DOK5: variants seen among roughly 807,000 people sequenced by gnomAD.
DOK5 encodes the protein downstream of tyrosine kinase 5.
In DOK5, 27 loss-of-function variants were observed where a neutral mutation model predicts 43.3. The observed-to-expected ratio is 0.62, with a 90% CI of 0.46 to 0.86. DOK5 has a LOEUF of 0.86. Among genes scored for constraint, DOK5 ranks in the 40% least tolerant of loss-of-function variants. The probability of loss-of-function intolerance (pLI) is 0.00; values close to 1 mark genes in which losing one functional copy is unlikely to be tolerated. For synonymous variants in DOK5, 146 were observed against 140.1 expected (o/e 1.04, Z -0.30); for missense variants, 373 against 392.9 (o/e 0.95, Z 0.43).
chr20:54,505,776 C>A (rs575132376), intron 1 of DOK5, among the ~76,000 whole-genome samples: 1 of 152,130 alleles, frequency 6.6e-6, no homozygotes. Context: ...GGGTTCCAGG[C>A]AGAAGGAACA....
At chr20:54,601,664 T>A (rs1223040802) in intron 5 of DOK5, among the ~76,000 whole-genome samples, 1 of 152,184 alleles carries the variant, frequency 6.6e-6, no homozygotes, top group African/African-American at 2.4e-5. Context: ...AGGAAACCTG[T>A]GCTAGTGATG....
Position 54,632,798 on chromosome 20 carries a change from C to T in DOK5, c.736-10660C>T, listed in dbSNP as rs984905310. On this transcript the variant is annotated intron_variant, in intron 6 of 7. Coordinates refer to ENST00000262593, the MANE Select transcript of DOK5 (RefSeq NM_018431.5). Reference sequence around the variant, plus strand: ...TTGTTACAAAATACAAATTCCTGGCCGGGAGCAGTGGCTCACACCTGGAAT... The same window carrying T: ...TTGTTACAAAATACAAATTCCTGGCTGGGAGCAGTGGCTCACACCTGGAAT... 3.9e-5 allele frequency among the ~76,000 whole-genome samples: 6 copies of T among 152,236 alleles called. No individual in the cohort carries two copies. In the South Asian group the frequency reaches 8.3e-4, roughly 21 times the overall value.
rs1555836770 is a variant in DOK5, at chr20:54,619,023, T to TTTTATA, written c.735+8501_735+8502insTTATAT. On this transcript the variant is annotated intron_variant, in intron 6 of 7. Transcript: ENST00000262593. ...CAGAACAAGACCTTGTTTCAATAAA[T>TTTTATA]TATATATATATATATATATATATAT... Among the ~76,000 whole-genome samples, 120 of 43,396 alleles carry TTTTATA rather than the reference T, an allele frequency of 2.8e-3. 14 individuals are homozygous for TTTTATA. The highest frequency in any genetic ancestry group is 0.014 in the Middle Eastern group (1 of 70). The allele number at this position is 43,396 out of a possible 152,430, so 28.5% of individuals were successfully genotyped here. A position where few individuals can be genotyped will look rare whatever the true frequency, so the allele number is the denominator to read the frequency against.
intron 1 of DOK5, among the ~76,000 whole-genome samples, chr20:54,500,323 CTG>C (rs1014607946): frequency 2.0e-5 from 3 of 152,044 alleles, no homozygotes; most frequent in Non-Finnish European, 4.4e-5. Context: ...AATTTGAACA[CTG>C]GACACGAAAA....
At chr20:54,644,997 CTTTTTTTTTTT>C (rs869031533) in intron 7 of DOK5, among the ~76,000 whole-genome samples, 2,059 of 82,310 alleles carry the variant, frequency 0.025, 36 homozygotes, top group Middle Eastern at 0.083. Context: ...TAAAAAAACT[CTTTTTTTTTTT>C]TTTTTTTTTT....
chr20:54,567,336 CATTTT>C (rs1477543110), intron 2 of DOK5, among the ~76,000 whole-genome samples: 1 of 151,984 alleles, frequency 6.6e-6, no homozygotes, highest in African/African-American at 2.4e-5. Flanking sequence ...AAATATGATT[CATTTT>C]GAGTTTAATT....
intron 1 of DOK5, among the ~76,000 whole-genome samples, chr20:54,493,252 T>C (rs923381548): frequency 4.6e-5 from 7 of 152,138 alleles, no homozygotes; most frequent in African/African-American, 1.7e-4. Context: ...CTCAGGACAC[T>C]GTGTGACCCA....
chr20:54,527,854 G>A (rs1301692146), intron 1 of DOK5, among the ~76,000 whole-genome samples: 1 of 152,194 alleles, frequency 6.6e-6, no homozygotes, highest in African/African-American at 2.4e-5. Flanking sequence ...TACAGGAAGA[G>A]TAAAGGAGAA....
chr20:54,524,903 T>C (rs1173862990), intron 1 of DOK5, among the ~76,000 whole-genome samples: 1 of 152,194 alleles, frequency 6.6e-6, no homozygotes, highest in Non-Finnish European at 1.5e-5. Flanking sequence ...TTTTTGTCAC[T>C]TTTTGCAGCT....
At chr20:54,506,217 A>G (rs911115575) in intron 1 of DOK5, among the ~76,000 whole-genome samples, 8 of 152,176 alleles carry the variant, frequency 5.3e-5, no homozygotes, top group Non-Finnish European at 1.0e-4. Context: ...GACTTGGTCA[A>G]CTGCAGGAAT....
chr20:54,548,931 A>G (rs1372754730), intron 1 of DOK5, among the ~76,000 whole-genome samples: 1 of 152,198 alleles, frequency 6.6e-6, no homozygotes, highest in South Asian at 2.1e-4. Flanking sequence ...GTGTGCTGGC[A>G]GTTGAAATTG....
chr20:54,517,889 G>C (rs1983255220), intron 1 of DOK5, among the ~76,000 whole-genome samples: 1 of 152,176 alleles, frequency 6.6e-6, no homozygotes, highest in African/African-American at 2.4e-5. Context: ...ACCAGATGCT[G>C]AACTTGCCAG....
intron 1 of DOK5, chr20:54,494,889 C>G (rs1280185907): frequency 6.6e-6 from 1 of 151,806 alleles, no homozygotes; most frequent in African/African-American, 2.4e-5. Flanking sequence ...TCTCCAGCAA[C>G]CTGATATGTA....
intron 5 of DOK5, among the ~76,000 whole-genome samples, chr20:54,603,422 A>G (rs6023406): frequency 0.45 from 67,937 of 152,104 alleles, 20,775 homozygotes; most frequent in African/African-American, 0.86. Context: ...ATAGTCAACC[A>G]CAGAATGTCC....
intron 2 of DOK5, among the ~76,000 whole-genome samples, chr20:54,577,823 C>G (rs918653269): frequency 9.9e-5 from 15 of 152,242 alleles, no homozygotes; most frequent in Non-Finnish European, 1.6e-4. Flanking sequence ...AGTTGAAGCT[C>G]AAGGAGGGAG....
At chr20:54,541,713 A>T (rs183276121) in intron 1 of DOK5, among the ~76,000 whole-genome samples, 1 of 152,296 alleles carries the variant, frequency 6.6e-6, no homozygotes, top group African/African-American at 2.4e-5. Flanking sequence ...CTAGGATTAC[A>T]GGTGTGAACC....
At chr20:54,505,333 C>A (rs972997008) in intron 1 of DOK5, among the ~76,000 whole-genome samples, 1 of 152,178 alleles carries the variant, frequency 6.6e-6, no homozygotes, top group East Asian at 1.9e-4. Context: ...TGTTTGCACA[C>A]CTCGCAGCAG....
chr20:54,568,792 T>A (rs1428157489), intron 2 of DOK5, among the ~76,000 whole-genome samples: 1 of 151,736 alleles, frequency 6.6e-6, no homozygotes, highest in East Asian at 1.9e-4. Flanking sequence ...TAGCCGGGTG[T>A]GGTGGCGGGC....
chr20:54,508,084 A>G (rs140480995), intron 1 of DOK5, among the ~76,000 whole-genome samples: 90 of 152,280 alleles, frequency 5.9e-4, no homozygotes, highest in Non-Finnish European at 7.1e-4. Context: ...ATGTGTCCTA[A>G]AGAGGACTTA....
Sources: allele counts gnomAD v4.1 joint callset (sites outside exome capture counted in the v4.1 genomes callset), GRCh38; gene constraint gnomAD v4.1.1; transcripts MANE v1.5; gene names NCBI Gene and HGNC (gene_info 2026-07-23, HGNC 2026-07-21).